The following RGS7 variants were observed in gnomAD, a reference collection of about 807,000 sequenced individuals.
The protein encoded by RGS7 is regulator of G-protein signaling 7.
RGS7 carries 27 observed loss-of-function variants against 81.1 expected under a neutral mutation model. The ratio of observed to expected loss-of-function variants is 0.33; its 90% CI spans 0.25 to 0.46. The LOEUF (loss-of-function observed/expected upper bound fraction) is 0.46, where lower values mean the gene tolerates loss of function less well. RGS7 is among the 20% of genes least tolerant of loss of function. RGS7 has a pLI of 1.00. For missense variants in RGS7, 396 were observed against 607.4 expected (o/e 0.65, Z 3.66); for synonymous variants, 208 against 207.7 (o/e 1.00, Z -0.01).
At chr1:240,958,844 G>C (rs1680874803) in intron 4 of RGS7, among the ~76,000 whole-genome samples, 1 of 152,140 alleles carries the variant, frequency 6.6e-6, no homozygotes. Flanking sequence ...TGACCTCCTA[G>C]AGCAATCTAT....
At chr1:240,935,938 T>C (rs1435452869) in intron 5 of RGS7, among the ~76,000 whole-genome samples, 9 of 152,220 alleles carry the variant, frequency 5.9e-5, no homozygotes, top group African/African-American at 1.9e-4. Flanking sequence ...AGCCATAATG[T>C]CTACTGAAAT....
intron 2 of RGS7, among the ~76,000 whole-genome samples, chr1:241,201,860 C>A (rs998588483): frequency 6.6e-6 from 1 of 151,958 alleles, no homozygotes; most frequent in Admixed American, 6.6e-5. Context: ...CTTTGGGATT[C>A]CAAAGTCAAT....
At chr1:241,099,877 T>C (rs189852066) in intron 2 of RGS7, among the ~76,000 whole-genome samples, 38 of 152,322 alleles carry the variant, frequency 2.5e-4, no homozygotes, top group Non-Finnish European at 4.9e-4. Context: ...GAGTAAAGTA[T>C]GTAGTTTAGC....
intron 2 of RGS7, among the ~76,000 whole-genome samples, chr1:241,225,537 A>ATG (rs2075266398): frequency 6.6e-6 from 1 of 152,218 alleles, no homozygotes; most frequent in African/African-American, 2.4e-5. Flanking sequence ...TAGTGTTTGC[A>ATG]TCACAAATAC....
chr1:241,039,455 A>G (rs1464258569), intron 3 of RGS7, among the ~76,000 whole-genome samples: 1 of 152,184 alleles, frequency 6.6e-6, no homozygotes, highest in African/African-American at 2.4e-5. Context: ...TCTTTGGCAC[A>G]TGGGTGGTTT....
intron 6 of RGS7, among the ~76,000 whole-genome samples, chr1:240,915,769 T>C (rs1411325795): frequency 1.3e-5 from 2 of 151,570 alleles, no homozygotes; most frequent in Non-Finnish European, 2.9e-5. Flanking sequence ...AGACTAAATA[T>C]GGAAAATATA....
At chr1:241,012,575 C>T (rs545973147) in intron 3 of RGS7, among the ~76,000 whole-genome samples, 131 of 152,272 alleles carry the variant, frequency 8.6e-4, no homozygotes, top group Admixed American at 3.5e-3. Flanking sequence ...TGAGGACATT[C>T]GGGTCAGTTA....
At chr1:240,949,258 A>C (rs1388917603) in intron 4 of RGS7, among the ~76,000 whole-genome samples, 1 of 152,122 alleles carries the variant, frequency 6.6e-6, no homozygotes, top group Non-Finnish European at 1.5e-5. Context: ...ATAAAAATGC[A>C]TTCCCTTTTT....
intron 2 of RGS7, among the ~76,000 whole-genome samples, chr1:241,161,686 A>C (rs1289547875): frequency 6.7e-6 from 1 of 150,316 alleles, no homozygotes; most frequent in Non-Finnish European, 1.5e-5. Flanking sequence ...ATACATGTAC[A>C]TTACATCTCA....
intron 2 of RGS7, among the ~76,000 whole-genome samples, chr1:241,340,030 A>G (rs1341712619): frequency 6.6e-6 from 1 of 152,218 alleles, no homozygotes; most frequent in Non-Finnish European, 1.5e-5. Context: ...CAAGACCATC[A>G]CATGTGTTTT....
chr1:241,320,536 G>C (rs770988799), intron 2 of RGS7, among the ~76,000 whole-genome samples: 4 of 152,160 alleles, frequency 2.6e-5, no homozygotes, highest in Non-Finnish European at 5.9e-5. Flanking sequence ...TGTTTGACTC[G>C]AGTAGTAAAA....
At chr1:241,285,394 TG>T (rs1399055760) in intron 2 of RGS7, among the ~76,000 whole-genome samples, 4 of 152,222 alleles carry the variant, frequency 2.6e-5, no homozygotes, top group Non-Finnish European at 5.9e-5. Flanking sequence ...TCTTCTTTCA[TG>T]GCCTCCCTAC....
intron 6 of RGS7, among the ~76,000 whole-genome samples, chr1:240,870,343 C>A (rs1260690931): frequency 6.7e-6 from 1 of 149,932 alleles, no homozygotes; most frequent in Non-Finnish European, 1.5e-5. Flanking sequence ...AACTTGGTAA[C>A]TTTTTTTTTT....
intron 2 of RGS7, among the ~76,000 whole-genome samples, chr1:241,119,208 C>G (rs1168922544): frequency 6.6e-6 from 1 of 152,094 alleles, no homozygotes; most frequent in African/African-American, 2.4e-5. Flanking sequence ...TTTCTCAAAA[C>G]ATATTTGGTA....
intron 4 of RGS7, among the ~76,000 whole-genome samples, chr1:240,978,978 C>CG (rs1451113046): frequency 6.6e-6 from 1 of 152,128 alleles, no homozygotes; most frequent in East Asian, 1.9e-4. Flanking sequence ...TTAAATCAGT[C>CG]ACCAAATTTG....
At chr1:240,795,012 G>A (rs532210561) in intron 18 of RGS7, among the ~76,000 whole-genome samples, 64 of 151,970 alleles carry the variant, frequency 4.2e-4, no homozygotes, top group Non-Finnish European at 7.4e-4. Flanking sequence ...GAGAAACCCC[G>A]TCTCTACTAA....
chr1:241,244,101 T>G (rs1234281682), intron 2 of RGS7, among the ~76,000 whole-genome samples: 1 of 152,154 alleles, frequency 6.6e-6, no homozygotes, highest in South Asian at 2.1e-4. Flanking sequence ...AGGTACATAT[T>G]ATTATTTTCT....
At chr1:240,817,617 T>G (rs1439347703) in intron 10 of RGS7, among the ~76,000 whole-genome samples, 5 of 152,182 alleles carry the variant, frequency 3.3e-5, no homozygotes, top group Admixed American at 3.3e-4. Flanking sequence ...ATTTTTATTT[T>G]TTTGAGACAG....
At chr1:240,999,253 T>A (rs1323739236) in intron 3 of RGS7, among the ~76,000 whole-genome samples, 11 of 151,080 alleles carry the variant, frequency 7.3e-5, no homozygotes. Flanking sequence ...TTATTATTAT[T>A]AAATAATTTT....
Sources: gnomAD v4.1 joint callset for allele counts (sites outside exome capture counted in the v4.1 genomes callset) on GRCh38, gnomAD v4.1.1 for gene constraint, MANE v1.5 for transcripts, NCBI Gene and HGNC (gene_info 2026-07-23, HGNC 2026-07-21) for gene names.